NRF1: variants seen among roughly 807,000 people sequenced by gnomAD.
NRF1 encodes alpha palindromic-binding protein.
In NRF1, 5 loss-of-function variants were observed where a neutral mutation model predicts 58.5. The observed-to-expected ratio is 0.09, with a 90% CI of 0.04 to 0.18. The LOEUF is 0.18. Ranked by LOEUF, NRF1 falls within the 10% of genes least tolerant of loss-of-function variation. The pLI is 1.00. For missense variants in NRF1, 288 were observed against 657.7 expected, an observed-to-expected ratio of 0.44 and a Z score of 6.15; for synonymous variants, 224 against 246.7, an observed-to-expected ratio of 0.91 and a Z score of 0.86.
At chr7:129,714,986 A>G (rs1803155029) in intron 8 of NRF1, among the ~76,000 whole-genome samples, 1 of 152,108 alleles carries the variant, frequency 6.6e-6, no homozygotes, top group South Asian at 2.1e-4. Context: ...AGACAGATAC[A>G]CCTGAGCTGA....
intron 10 of NRF1, among the ~76,000 whole-genome samples, chr7:129,753,837 T>C (rs1804181468): frequency 6.6e-6 from 1 of 151,972 alleles, no homozygotes; most frequent in South Asian, 2.1e-4. Flanking sequence ...ATAAATAAAA[T>C]AAGCTTGACT....
chr7:129,751,269 G>A (rs748775382), intron 10 of NRF1, among the ~76,000 whole-genome samples: 54 of 152,326 alleles, frequency 3.5e-4, no homozygotes, highest in Admixed American at 2.4e-3. Context: ...AACAGTGGCC[G>A]ACGTGAAGAG....
chr7:129,672,794 C>T (rs1802081103), intron 3 of NRF1, among the ~76,000 whole-genome samples: 2 of 152,062 alleles, frequency 1.3e-5, no homozygotes, highest in Non-Finnish European at 2.9e-5. Flanking sequence ...GTTTGTGATG[C>T]CTCTAACCAT....
At chr7:129,642,982 C>T (rs1801328956) in intron 1 of NRF1, among the ~76,000 whole-genome samples, 2 of 152,040 alleles carry the variant, frequency 1.3e-5, no homozygotes, top group African/African-American at 4.8e-5. Context: ...GCTGAGAATA[C>T]ACTTTTTAAA....
At chr7:129,684,934 G>A (rs1288938947) in intron 4 of NRF1, among the ~76,000 whole-genome samples, 1 of 152,158 alleles carries the variant, frequency 6.6e-6, no homozygotes. Context: ...GGAGAACAAA[G>A]GAGGCAGACA....
chr7:129,744,262 C>A, intron 10 of NRF1: 1 of 1,539,076 alleles, frequency 6.5e-7, no homozygotes, highest in South Asian at 1.2e-5. Context: ...AAGGAAGCAG[C>A]TGGAGGATAG....
intron 1 of NRF1, among the ~76,000 whole-genome samples, chr7:129,620,662 A>AG (rs1484467156): frequency 6.6e-6 from 1 of 152,222 alleles, no homozygotes; most frequent in African/African-American, 2.4e-5. Context: ...CTGGGATTAC[A>AG]GGCATGAGCC....
chr7:129,652,129 A>G (rs1801550522), intron 1 of NRF1, among the ~76,000 whole-genome samples: 1 of 152,226 alleles, frequency 6.6e-6, no homozygotes, highest in Non-Finnish European at 1.5e-5. Context: ...GGATTTTAGA[A>G]TCAAAAGATC....
intron 5 of NRF1, among the ~76,000 whole-genome samples, chr7:129,699,662 T>C (rs553011624): frequency 3.3e-5 from 5 of 149,766 alleles, no homozygotes; most frequent in African/African-American, 9.9e-5. Context: ...ACCCAGGAGG[T>C]AAAGGTTGTA....
chr7:129,611,751 G>T lies in NRF1; in HGVS notation c.-80G>T. On this transcript the variant is annotated 5_prime_UTR_variant, in exon 1 of 11. Coordinates refer to ENST00000393232, the MANE Select transcript of NRF1 (RefSeq NM_005011.5). ...GGCAGCGCTCGCCATTGCCGCTGGT[G>T]GCAGGAGGCTGCGAGGAGCCGGCGC... 1 of 324,258 alleles carries T rather than the reference G, an allele frequency of 3.1e-6. No homozygotes were observed. Among genetic ancestry groups the T allele is most frequent in the South Asian group, 1.4e-4 (1 of 7,170 alleles). 20.1% of individuals were successfully genotyped at this position (324,258 alleles called of 1,614,324 possible).
chr7:129,667,469 A>G (rs879661637), intron 2 of NRF1, among the ~76,000 whole-genome samples: 37 of 151,964 alleles, frequency 2.4e-4, no homozygotes, highest in East Asian at 3.9e-4. Context: ...TTTTATGTCA[A>G]TTTATAAAAA....
intron 1 of NRF1, among the ~76,000 whole-genome samples, chr7:129,640,441 T>C (rs1584598703): frequency 1.3e-5 from 2 of 151,828 alleles, no homozygotes; most frequent in African/African-American, 4.8e-5. Flanking sequence ...TCCCAGGAGG[T>C]CAAGGCTGCA....
At chr7:129,703,550 G>A (rs1185678628) in intron 5 of NRF1, among the ~76,000 whole-genome samples, 1 of 151,938 alleles carries the variant, frequency 6.6e-6, no homozygotes, top group Non-Finnish European at 1.5e-5. Context: ...TGTTTATTTG[G>A]GACAGTATAA....
intron 9 of NRF1, among the ~76,000 whole-genome samples, chr7:129,723,941 C>G (rs1803392102): frequency 6.6e-6 from 1 of 152,194 alleles, no homozygotes; most frequent in African/African-American, 2.4e-5. Flanking sequence ...AGAGTGGTTC[C>G]ATGACCTACA....
At chr7:129,657,599 CTTCT>C in intron 2 of NRF1, 25 bp downstream of exon 2, 1 of 1,249,562 alleles carries the variant, frequency 8.0e-7, no homozygotes, top group Non-Finnish European at 1.1e-6. Context: ...ATTAGAAGCT[CTTCT>C]TTAATTTTTT....
chr7:129,685,556 AGTGTGT>A (rs67721424), intron 4 of NRF1, among the ~76,000 whole-genome samples: 4,598 of 143,014 alleles, frequency 0.032, 107 homozygotes, highest in Admixed American at 0.068. Flanking sequence ...GTCTCATTCA[AGTGTGT>A]GTGTGTGTGT....
intron 2 of NRF1, among the ~76,000 whole-genome samples, chr7:129,670,883 A>C (rs1283123064): frequency 6.6e-6 from 1 of 152,180 alleles, no homozygotes; most frequent in Non-Finnish European, 1.5e-5. Context: ...CAATTCCCAG[A>C]TGTAGAAGAA....
At chr7:129,687,495 C>T (rs1329743171) in intron 4 of NRF1, among the ~76,000 whole-genome samples, 2 of 152,076 alleles carry the variant, frequency 1.3e-5, no homozygotes, top group African/African-American at 2.4e-5. Flanking sequence ...AGGCTGGTCT[C>T]GAACTTCTGA....
chr7:129,652,529 G>A (rs902517660), intron 1 of NRF1, among the ~76,000 whole-genome samples: 2 of 152,116 alleles, frequency 1.3e-5, no homozygotes, highest in Non-Finnish European at 2.9e-5. Context: ...TTTTAATAAA[G>A]ATAATACAGG....
Sources: gnomAD v4.1 joint callset for allele counts (sites outside exome capture counted in the v4.1 genomes callset) on GRCh38, gnomAD v4.1.1 for gene constraint, MANE v1.5 for transcripts, NCBI Gene and HGNC (gene_info 2026-07-23, HGNC 2026-07-21) for gene names.